The following CWC27 variants were observed in gnomAD, a reference collection of about 807,000 sequenced individuals.
The protein encoded by CWC27 is CWC27 spliceosome associated cyclophilin, also known as spliceosome-associated protein CWC27 homolog.
In CWC27, 47 loss-of-function variants were observed where a neutral mutation model predicts 63.6. The observed-to-expected ratio is 0.74, with a 90% CI of 0.58 to 0.94. The LOEUF is 0.94. Ranked by LOEUF, CWC27 falls within the 40% of genes least tolerant of loss-of-function variation. The pLI is 0.00. For missense variants in CWC27, 495 were observed against 554.3 expected, an observed-to-expected ratio of 0.89 and a Z score of 1.07; for synonymous variants, 175 against 179.8, an observed-to-expected ratio of 0.97 and a Z score of 0.22.
intron 13 of CWC27, among the ~76,000 whole-genome samples, chr5:65,013,180 T>A (rs1001265489): frequency 6.6e-5 from 10 of 152,304 alleles, no homozygotes; most frequent in African/African-American, 2.4e-4. Flanking sequence ...TAGCAATCAC[T>A]AGTATGAGTG....
chr5:64,957,777 G>C (rs1320478752), intron 11 of CWC27, among the ~76,000 whole-genome samples: 1 of 152,128 alleles, frequency 6.6e-6, no homozygotes, highest in Non-Finnish European at 1.5e-5. Context: ...GGTTAACCCT[G>C]CTCCTCAAGG....
chr5:64,992,049 G>C (rs1749546135), intron 13 of CWC27, among the ~76,000 whole-genome samples: 1 of 152,100 alleles, frequency 6.6e-6, no homozygotes, highest in African/African-American at 2.4e-5. Flanking sequence ...ACGGGTAGTA[G>C]GAGATGAAGG....
chr5:65,011,083 G>A (rs1312597123), intron 13 of CWC27, among the ~76,000 whole-genome samples: 1 of 152,188 alleles, frequency 6.6e-6, no homozygotes, highest in Non-Finnish European at 1.5e-5. Flanking sequence ...ATAGAGCCAG[G>A]TGTGGTGGCA....
intron 10 of CWC27, among the ~76,000 whole-genome samples, chr5:64,821,064 T>C (rs1010859373): frequency 2.0e-5 from 3 of 150,340 alleles, no homozygotes; most frequent in Admixed American, 6.6e-5. Context: ...CTCTTAAAAT[T>C]CAACTATAAG....
At chr5:64,900,112 T>C (rs1453231458) in intron 11 of CWC27, among the ~76,000 whole-genome samples, 2 of 152,246 alleles carry the variant, frequency 1.3e-5, no homozygotes, top group African/African-American at 2.4e-5. Flanking sequence ...AGTCATGTGA[T>C]AGGTGTATGT....
chr5:64,960,789 T>C (rs918942551), intron 11 of CWC27, among the ~76,000 whole-genome samples: 1 of 151,682 alleles, frequency 6.6e-6, no homozygotes, highest in Admixed American at 6.6e-5. Flanking sequence ...GTACACTTCT[T>C]TTTTTTTAAG....
intron 13 of CWC27, among the ~76,000 whole-genome samples, chr5:65,012,277 G>A (rs927609453): frequency 1.3e-5 from 2 of 152,212 alleles, no homozygotes; most frequent in Non-Finnish European, 2.9e-5. Context: ...TGGTCAAGAA[G>A]TTATCAGCTA....
chr5:64,819,719 T>G (rs1470066223), intron 10 of CWC27, among the ~76,000 whole-genome samples: 1 of 152,184 alleles, frequency 6.6e-6, no homozygotes, highest in Non-Finnish European at 1.5e-5. Flanking sequence ...CTTGGTTATA[T>G]CTTTATTAGT....
chr5:64,887,780 T>C (rs1313167754), intron 11 of CWC27, among the ~76,000 whole-genome samples: 1 of 152,198 alleles, frequency 6.6e-6, no homozygotes, highest in African/African-American at 2.4e-5. Context: ...ACATTTTTCA[T>C]AATAAATTCA....
intron 6 of CWC27, 21 bp downstream of exon 6, chr5:64,786,648 T>C: frequency 7.3e-7 from 1 of 1,374,906 alleles, no homozygotes; most frequent in Non-Finnish European, 1.0e-6. Flanking sequence ...TGGAGAGATT[T>C]TTCTTCAGCT....
At chr5:64,983,683 A>G (rs1376542065) in intron 13 of CWC27, among the ~76,000 whole-genome samples, 1 of 152,372 alleles carries the variant, frequency 6.6e-6, no homozygotes, top group Non-Finnish European at 1.5e-5. Context: ...GCCTGGTACA[A>G]CAGAGTACTA....
At chr5:64,829,256 T>C (rs1745448960) in intron 10 of CWC27, among the ~76,000 whole-genome samples, 1 of 152,160 alleles carries the variant, frequency 6.6e-6, no homozygotes, top group Non-Finnish European at 1.5e-5. Context: ...ATTCAGTCAA[T>C]TTCCAATTTT....
chr5:64,899,544 A>G (rs545715477), intron 11 of CWC27, among the ~76,000 whole-genome samples: 3 of 152,348 alleles, frequency 2.0e-5, no homozygotes, highest in African/African-American at 7.2e-5. Context: ...ATGCACATTT[A>G]AATAATGGGC....
chr5:64,972,094 ACC>A (rs1749137628), intron 12 of CWC27, among the ~76,000 whole-genome samples: 1 of 152,056 alleles, frequency 6.6e-6, no homozygotes, highest in Admixed American at 6.6e-5. Flanking sequence ...ATCCTCAGAA[ACC>A]CAGGTGGAAC....
intron 10 of CWC27, among the ~76,000 whole-genome samples, chr5:64,877,842 T>C (rs1337141255): frequency 3.5e-5 from 5 of 144,262 alleles, no homozygotes; most frequent in African/African-American, 1.0e-4. Context: ...TTCTATTATT[T>C]TCTTGGATAA....
At chr5:64,867,245 G>T (rs1260925885) in intron 10 of CWC27, among the ~76,000 whole-genome samples, 1 of 151,994 alleles carries the variant, frequency 6.6e-6, no homozygotes, top group African/African-American at 2.4e-5. Context: ...CCATATTCTG[G>T]TTGCAAAGCT....
chr5:64,772,829 C>T (rs867060286), intron 1 of CWC27, among the ~76,000 whole-genome samples: 2 of 150,250 alleles, frequency 1.3e-5, no homozygotes, highest in East Asian at 2.0e-4. Flanking sequence ...CCCAGCTACT[C>T]GGGAGGCTGA....
chr5:64,785,667 G>C, intron 5 of CWC27, 88 bp downstream of exon 5: 1 of 788,244 alleles, frequency 1.3e-6, no homozygotes, highest in Non-Finnish European at 2.1e-6. Context: ...TTGGATTAAG[G>C]CTTTATACTA....
chr5:64,958,229 T>A (rs1748838961), intron 11 of CWC27, among the ~76,000 whole-genome samples: 1 of 152,174 alleles, frequency 6.6e-6, no homozygotes, highest in South Asian at 2.1e-4. Context: ...TAAATGTATA[T>A]AACCCCAATG....
Sources: gnomAD v4.1 joint callset for allele counts (sites outside exome capture counted in the v4.1 genomes callset) on GRCh38, gnomAD v4.1.1 for gene constraint, MANE v1.5 for transcripts, NCBI Gene and HGNC (gene_info 2026-07-23, HGNC 2026-07-21) for gene names.